ADGRL3: variants seen among roughly 807,000 people sequenced by gnomAD.
ADGRL3 encodes calcium-independent alpha-latrotoxin receptor 3.
ADGRL3 carries 62 observed loss-of-function variants against 153.5 expected under a neutral mutation model. That is an observed-to-expected ratio of 0.40 (90% CI 0.33 to 0.50). The LOEUF (loss-of-function observed/expected upper bound fraction) is 0.50. Ranked by LOEUF, ADGRL3 falls within the 20% of genes least tolerant of loss-of-function variation. The pLI, the probability that ADGRL3 is intolerant of heterozygous loss-of-function variation, is 0.47. For synonymous variants in ADGRL3, 710 were observed against 672.5 expected (o/e 1.06, Z -0.86); for missense variants, 1,641 against 1,859.4 (o/e 0.88, Z 2.16).
chr4:61,676,722 A>G (rs2150905859), intron 5 of ADGRL3, 104 bp from the exon 6 acceptor site: 1 of 823,982 alleles, frequency 1.2e-6, no homozygotes, highest in Middle Eastern at 2.5e-4. Flanking sequence ...GCAAAACCTT[A>G]TTCAAATCTG....
chr4:62,011,199 C>T (rs1203010860), intron 21 of ADGRL3, among the ~76,000 whole-genome samples: 1 of 152,002 alleles, frequency 6.6e-6, no homozygotes, highest in Admixed American at 6.6e-5. Context: ...ACTCCTATGA[C>T]TAAAGATTAA....
rs149472429 is a variant in ADGRL3, at chr4:61,726,210, G to GTTTTTTTTTTTTTTTTT, written c.584-4406_584-4405insTTTTTTTTTTTTTTTTT. Among the ~76,000 whole-genome samples the GTTTTTTTTTTTTTTTTT allele has an allele frequency of 6.7e-5, 8 of 118,520 alleles. 1 individual carries two copies. Among genetic ancestry groups the GTTTTTTTTTTTTTTTTT allele is most frequent in the Non-Finnish European group, 1.0e-4 (6 of 58,136 alleles). The allele number at this position is 118,520 out of a possible 152,430, so 77.8% of individuals were successfully genotyped here. A position where few individuals can be genotyped will look rare whatever the true frequency, so the allele number is the denominator to read the frequency against. Reference sequence around the variant, plus strand: ...AATACTCACTGGAACTTTTTTTTTTGTTTTTTGAGAAGGAGTCTCACCCTG... The same window carrying GTTTTTTTTTTTTTTTTT: ...AATACTCACTGGAACTTTTTTTTTTGTTTTTTTTTTTTTTTTTTTTTTTGAGAAGGAGTCTCACCCTG... On this transcript the variant is annotated intron_variant, in intron 6 of 26. Coordinates refer to ENST00000683033, the MANE Select transcript of ADGRL3 (RefSeq NM_001387552.1).
At chr4:61,981,793 C>A (rs1259196389) in intron 18 of ADGRL3, among the ~76,000 whole-genome samples, 2 of 152,084 alleles carry the variant, frequency 1.3e-5, no homozygotes, top group Non-Finnish European at 2.9e-5. Context: ...ATGCTGTTTT[C>A]TGGTATGTGT....
At chr4:61,688,089 C>A (rs2095477857) in intron 6 of ADGRL3, among the ~76,000 whole-genome samples, 1 of 151,962 alleles carries the variant, frequency 6.6e-6, no homozygotes, top group Non-Finnish European at 1.5e-5. Flanking sequence ...GAACTCCATA[C>A]TATTTGGTTC....
At chr4:61,739,655 T>C (rs1441475530) in intron 8 of ADGRL3, among the ~76,000 whole-genome samples, 2 of 152,218 alleles carry the variant, frequency 1.3e-5, no homozygotes, top group Non-Finnish European at 2.9e-5. Context: ...ACGTGTATGC[T>C]CCTCAGGTAG....
At chr4:61,625,935 A>G (rs1267916150) in intron 5 of ADGRL3, among the ~76,000 whole-genome samples, 1 of 152,076 alleles carries the variant, frequency 6.6e-6, no homozygotes, top group East Asian at 1.9e-4. Flanking sequence ...TCTGTATAGC[A>G]TACAACCATG....
At chr4:61,365,930 T>G (rs890553808) in intron 1 of ADGRL3, among the ~76,000 whole-genome samples, 5 of 152,170 alleles carry the variant, frequency 3.3e-5, no homozygotes, top group African/African-American at 1.2e-4. Context: ...ATTTATGGGG[T>G]TTAGAAAAGC....
chr4:61,662,254 A>G (rs1214968059), intron 5 of ADGRL3, among the ~76,000 whole-genome samples: 1 of 152,072 alleles, frequency 6.6e-6, no homozygotes, highest in African/African-American at 2.4e-5. Context: ...GAGGAGCCCT[A>G]CCCTCCCAGG....
chr4:61,709,911 A>G (rs531870142), intron 6 of ADGRL3, among the ~76,000 whole-genome samples: 249 of 152,276 alleles, frequency 1.6e-3, no homozygotes, highest in African/African-American at 5.8e-3. Context: ...AACTTCTGGA[A>G]GGGGCTTGTG....
At chr4:61,216,896 T>A (rs1007398802) in intron 1 of ADGRL3, among the ~76,000 whole-genome samples, 1 of 152,240 alleles carries the variant, frequency 6.6e-6, no homozygotes, top group Non-Finnish European at 1.5e-5. Context: ...GCACACTGTC[T>A]AGATTTGTAT....
chr4:61,503,365 T>A (rs1198424903), intron 3 of ADGRL3, among the ~76,000 whole-genome samples: 1 of 152,190 alleles, frequency 6.6e-6, no homozygotes. Flanking sequence ...GCTTGTAATT[T>A]ATCCTATTTT....
chr4:61,295,166 C>T (rs1056797224), intron 1 of ADGRL3, among the ~76,000 whole-genome samples: 7 of 152,064 alleles, frequency 4.6e-5, no homozygotes, highest in South Asian at 2.1e-4. Flanking sequence ...CCCATCCTTC[C>T]GTCACTTAGT....
intron 23 of ADGRL3, among the ~76,000 whole-genome samples, chr4:62,036,034 T>A (rs1724801710): frequency 6.6e-6 from 1 of 152,124 alleles, no homozygotes; most frequent in Non-Finnish European, 1.5e-5. Flanking sequence ...ATTTCTTTTT[T>A]TAAAATACAC....
At chr4:61,618,283 A>G (rs2092224006) in intron 5 of ADGRL3, among the ~76,000 whole-genome samples, 1 of 152,250 alleles carries the variant, frequency 6.6e-6, no homozygotes, top group Admixed American at 6.5e-5. Context: ...CTAGTAAAAC[A>G]CAGATTATCG....
intron 1 of ADGRL3, among the ~76,000 whole-genome samples, chr4:61,346,461 G>A (rs550676639): frequency 1.1e-4 from 17 of 151,822 alleles, no homozygotes; most frequent in African/African-American, 4.1e-4. Context: ...CATTGTGGTG[G>A]TGTCATAAAA....
intron 1 of ADGRL3, among the ~76,000 whole-genome samples, chr4:61,293,549 C>T (rs1050548725): frequency 1.3e-5 from 2 of 152,128 alleles, no homozygotes; most frequent in Admixed American, 1.3e-4. Context: ...TTATGATATA[C>T]ACAACTGTGC....
chr4:61,532,717 C>T (rs1205583670), intron 4 of ADGRL3, among the ~76,000 whole-genome samples: 4 of 150,578 alleles, frequency 2.7e-5, no homozygotes, highest in African/African-American at 9.8e-5. Context: ...AGAGTAAAAC[C>T]GATAGTAACA....
chr4:61,249,405 G>A (rs1758339264), intron 1 of ADGRL3, among the ~76,000 whole-genome samples: 1 of 152,004 alleles, frequency 6.6e-6, no homozygotes, highest in Non-Finnish European at 1.5e-5. Context: ...TTCATGATCT[G>A]GAGAGACCAA....
chr4:61,319,198 G>A (rs1268955676), intron 1 of ADGRL3, among the ~76,000 whole-genome samples: 3 of 152,110 alleles, frequency 2.0e-5, no homozygotes, highest in African/African-American at 7.2e-5. Context: ...TAGAGATGTA[G>A]CATTTCCAGA....
Sources: gnomAD v4.1 joint callset for allele counts (sites outside exome capture counted in the v4.1 genomes callset) on GRCh38, gnomAD v4.1.1 for gene constraint, MANE v1.5 for transcripts, NCBI Gene and HGNC (gene_info 2026-07-23, HGNC 2026-07-21) for gene names.